The following FRMD4A variants were observed in gnomAD, a reference collection of about 807,000 sequenced individuals.
The protein encoded by FRMD4A is FERM domain-containing protein 4A.
FRMD4A carries 29 observed loss-of-function variants against 129.1 expected under a neutral mutation model. The ratio of observed to expected loss-of-function variants is 0.22; its 90% CI spans 0.17 to 0.31. The LOEUF (loss-of-function observed/expected upper bound fraction) is 0.31, where lower values mean the gene tolerates loss of function less well. Ranked by LOEUF, FRMD4A falls within the 10% of genes least tolerant of loss-of-function variation. The pLI, the probability that FRMD4A is intolerant of heterozygous loss-of-function variation, is 1.00. For missense variants in FRMD4A, 1,272 were observed against 1,375.8 expected, an observed-to-expected ratio of 0.92 and a Z score of 1.19; for synonymous variants, 634 against 571.6, an observed-to-expected ratio of 1.11 and a Z score of -1.56.
chr10:13,973,196 T>C (rs2131387720), intron 2 of FRMD4A, among the ~76,000 whole-genome samples: 1 of 152,360 alleles, frequency 6.6e-6, no homozygotes, highest in South Asian at 2.1e-4. Context: ...CTGATATTTT[T>C]TCCCCCACTT....
At chr10:14,112,899 G>A (rs1265602428) in intron 2 of FRMD4A, among the ~76,000 whole-genome samples, 2 of 152,078 alleles carry the variant, frequency 1.3e-5, no homozygotes, top group African/African-American at 4.8e-5. Context: ...CTCAATGTGT[G>A]TAATTATTAC....
intron 24 of FRMD4A, chr10:13,649,441 T>A (rs59791974): frequency 1.3e-5 from 2 of 152,208 alleles, no homozygotes. Context: ...CGGGAGGATC[T>A]GGATGATGGG....
chr10:14,046,335 A>G (rs1411646840), intron 2 of FRMD4A, among the ~76,000 whole-genome samples: 1 of 152,146 alleles, frequency 6.6e-6, no homozygotes, highest in African/African-American at 2.4e-5. Flanking sequence ...TTTTCTCTAT[A>G]TAAAACCTAG....
At chr10:14,258,316 T>A (rs921413419) in intron 2 of FRMD4A, among the ~76,000 whole-genome samples, 1 of 136,762 alleles carries the variant, frequency 7.3e-6, no homozygotes, top group Non-Finnish European at 1.5e-5. Flanking sequence ...ATAAAGGGGT[T>A]TTAACTAAAA....
chr10:13,717,692 G>GTTTTTTTTT (rs35059886), intron 12 of FRMD4A, among the ~76,000 whole-genome samples: 1 of 95,248 alleles, frequency 1.0e-5, no homozygotes, highest in African/African-American at 4.3e-5. Context: ...TGTTGTTCTT[G>GTTTTTTTTT]TTTTTTTTTT....
intron 2 of FRMD4A, among the ~76,000 whole-genome samples, chr10:14,060,170 C>T (rs1261778177): frequency 6.6e-6 from 1 of 152,150 alleles, no homozygotes; most frequent in Non-Finnish European, 1.5e-5. Flanking sequence ...CAATACTTTC[C>T]ATTTTCTGTA....
intron 2 of FRMD4A, among the ~76,000 whole-genome samples, chr10:14,108,598 C>A (rs561583818): frequency 6.6e-6 from 1 of 152,216 alleles, no homozygotes; most frequent in South Asian, 2.1e-4. Context: ...AGAACTTAAC[C>A]CAATTAGGGA....
chr10:14,177,656 C>A (rs946758936), intron 2 of FRMD4A, among the ~76,000 whole-genome samples: 1 of 152,146 alleles, frequency 6.6e-6, no homozygotes, highest in Non-Finnish European at 1.5e-5. Context: ...AAACAAAATT[C>A]GACTGATTGC....
At chr10:14,205,618 T>C (rs951680223) in intron 2 of FRMD4A, among the ~76,000 whole-genome samples, 4 of 151,752 alleles carry the variant, frequency 2.6e-5, no homozygotes, top group Non-Finnish European at 4.4e-5. Flanking sequence ...ACCAGCCTGA[T>C]CAACTTGGTG....
intron 2 of FRMD4A, among the ~76,000 whole-genome samples, chr10:13,908,171 A>C (rs1589237481): frequency 6.8e-6 from 1 of 146,996 alleles, no homozygotes; most frequent in African/African-American, 2.6e-5. Context: ...ATCTAAAAAA[A>C]AAAAAAAAAA....
intron 2 of FRMD4A, among the ~76,000 whole-genome samples, chr10:13,867,032 C>T (rs1201865242): frequency 6.6e-6 from 1 of 152,180 alleles, no homozygotes; most frequent in East Asian, 1.9e-4. Context: ...TCTATCATCT[C>T]ACATGGTTAC....
chr10:13,687,086 T>C (rs61508862), intron 15 of FRMD4A, among the ~76,000 whole-genome samples: 3,636 of 152,112 alleles, frequency 0.024, 148 homozygotes, highest in African/African-American at 0.084. Flanking sequence ...AGCTCAAGAG[T>C]TCGAGACCAT....
intron 3 of FRMD4A, among the ~76,000 whole-genome samples, chr10:13,850,135 A>T (rs2094121029): frequency 6.6e-6 from 1 of 151,950 alleles, no homozygotes; most frequent in South Asian, 2.1e-4. Flanking sequence ...CAGGAGGTGG[A>T]GGTTGCAATA....
intron 2 of FRMD4A, among the ~76,000 whole-genome samples, chr10:14,029,171 A>C (rs1215782989): frequency 6.6e-6 from 1 of 151,952 alleles, no homozygotes; most frequent in African/African-American, 2.4e-5. Context: ...TCAGATGATC[A>C]TCTCTTTCTC....
intron 2 of FRMD4A, among the ~76,000 whole-genome samples, chr10:14,048,936 G>A (rs951230446): frequency 1.3e-5 from 2 of 152,154 alleles, no homozygotes; most frequent in Non-Finnish European, 2.9e-5. Flanking sequence ...AGTAGGATGG[G>A]CCTGTAACAA....
chr10:13,701,905 A>G (rs922862253), intron 13 of FRMD4A, among the ~76,000 whole-genome samples: 2 of 152,188 alleles, frequency 1.3e-5, no homozygotes, highest in African/African-American at 4.8e-5. Context: ...ACCACAGGCT[A>G]CAGCGTCCCA....
chr10:13,994,305 G>A (rs901749717), intron 2 of FRMD4A, among the ~76,000 whole-genome samples: 13 of 149,906 alleles, frequency 8.7e-5, no homozygotes, highest in African/African-American at 3.2e-4. Flanking sequence ...TCAGCCTCCC[G>A]AGTAGCTGGG....
intron 12 of FRMD4A, among the ~76,000 whole-genome samples, chr10:13,724,541 G>A (rs923471767): frequency 2.0e-5 from 3 of 152,202 alleles, no homozygotes; most frequent in Non-Finnish European, 4.4e-5. Flanking sequence ...GCTATTGGAT[G>A]CTCCTCTGCA....
intron 2 of FRMD4A, among the ~76,000 whole-genome samples, chr10:14,148,941 C>G (rs1589078786): frequency 6.6e-6 from 1 of 152,212 alleles, no homozygotes; most frequent in East Asian, 1.9e-4. Flanking sequence ...CATACCCAGA[C>G]AAATATGGAT....
Sources: gnomAD v4.1 joint callset for allele counts (sites outside exome capture counted in the v4.1 genomes callset) on GRCh38, gnomAD v4.1.1 for gene constraint, MANE v1.5 for transcripts, NCBI Gene and HGNC (gene_info 2026-07-23, HGNC 2026-07-21) for gene names.